The following MAPK6 variants were observed in gnomAD, a reference collection of about 807,000 sequenced individuals.
MAPK6 encodes the protein mitogen-activated protein kinase 6, also known as ERK-3.
MAPK6 carries 19 observed loss-of-function variants against 59.3 expected under a neutral mutation model. That is an observed-to-expected ratio of 0.32 (90% confidence interval 0.22 to 0.47). MAPK6 has a LOEUF of 0.47. Among genes scored for constraint, MAPK6 ranks in the 20% least tolerant of loss-of-function variants. The probability of loss-of-function intolerance (pLI) is 1.00; values close to 1 mark genes in which losing one functional copy is unlikely to be tolerated. For synonymous variants in MAPK6, 316 were observed against 290.3 expected, an observed-to-expected ratio of 1.09 and a Z score of -0.90; for missense variants, 724 against 847.9, an observed-to-expected ratio of 0.85 and a Z score of 1.81.
chr15:52,057,650 T>G (rs2032034318), intron 3 of MAPK6, among the ~76,000 whole-genome samples: 1 of 152,172 alleles, frequency 6.6e-6, no homozygotes, highest in Non-Finnish European at 1.5e-5. Flanking sequence ...GTCCAAGCAA[T>G]TCTTGTGCTT....
intron 1 of MAPK6, among the ~76,000 whole-genome samples, chr15:52,032,004 C>T (rs755201500): frequency 6.6e-6 from 1 of 150,980 alleles, no homozygotes; most frequent in Non-Finnish European, 1.5e-5. Context: ...GGGTTCATGC[C>T]ATTCTTCTGC....
At chr15:51,984,990 ATTAAC>A (rs1490336750) in intron 2 of MAPK6, among the ~76,000 whole-genome samples, 1 of 152,224 alleles carries the variant, frequency 6.6e-6, no homozygotes, top group Non-Finnish European at 1.5e-5. Context: ...GAATAAAAAT[ATTAAC>A]TTAAAAACCA....
intron 3 of MAPK6, among the ~76,000 whole-genome samples, chr15:52,051,337 G>A (rs977860650): frequency 2.4e-4 from 37 of 152,068 alleles, no homozygotes; most frequent in South Asian, 8.3e-4. Context: ...GATTACAGGC[G>A]TGAGCCACCC....
chr15:52,022,560 C>A (rs939353316), intron 1 of MAPK6, among the ~76,000 whole-genome samples: 1 of 152,022 alleles, frequency 6.6e-6, no homozygotes, highest in Non-Finnish European at 1.5e-5. Context: ...CTGCTCCCAG[C>A]CCATAAAATG....
chr15:51,994,554 A>G (rs1325846024), intron 2 of MAPK6, among the ~76,000 whole-genome samples: 1 of 152,122 alleles, frequency 6.6e-6, no homozygotes, highest in Non-Finnish European at 1.5e-5. Context: ...TAAAAAAAAG[A>G]TTTTTTTTAA....
At chr15:52,034,240 C>T (rs1302572566) in intron 1 of MAPK6, among the ~76,000 whole-genome samples, 1 of 152,196 alleles carries the variant, frequency 6.6e-6, no homozygotes, top group Non-Finnish European at 1.5e-5. Flanking sequence ...CCGCCTCAGC[C>T]TCCCAAAGTG....
Position 51,990,370 on chromosome 15 carries a change from G to A in MAPK6, c.-770+7055G>A, listed in dbSNP as rs147987971. On this transcript the variant is annotated intron_variant, in intron 2 of 7. Transcript: ENST00000691380. ...CCTGCTGTAGTTACATAATTGCTAT[G>A]GGCAGTGAGAAATTGGGGCCATCTC... Among the ~76,000 whole-genome samples, 425 of 152,238 alleles carry A rather than the reference G, an allele frequency of 2.8e-3. 1 individual carries two copies. The highest frequency in any genetic ancestry group is 8.9e-3 in the African/African-American group (370 of 41,534).
chr15:52,008,392 G>A (rs1399747843), intron 3 of MAPK6, among the ~76,000 whole-genome samples: 1 of 152,076 alleles, frequency 6.6e-6, no homozygotes, highest in Non-Finnish European at 1.5e-5. Flanking sequence ...AGAACTATCA[G>A]GACCCCCACT....
chr15:51,978,677 CAA>C (rs1471980262), intron 1 of MAPK6, among the ~76,000 whole-genome samples: 1 of 150,600 alleles, frequency 6.6e-6, no homozygotes, highest in Admixed American at 6.6e-5. Flanking sequence ...AAAAACAAAA[CAA>C]GAAAAAAACT....
At chr15:52,010,023 A>C (rs766037570) in intron 3 of MAPK6, among the ~76,000 whole-genome samples, 9 of 152,104 alleles carry the variant, frequency 5.9e-5, no homozygotes, top group Non-Finnish European at 1.2e-4. Flanking sequence ...CACCTGCCTC[A>C]GCCTCCCAAA....
At chr15:52,025,040 G>A (rs2030711476) in intron 1 of MAPK6, among the ~76,000 whole-genome samples, 1 of 151,960 alleles carries the variant, frequency 6.6e-6, no homozygotes, top group African/African-American at 2.4e-5. Flanking sequence ...GCTAAACGAT[G>A]CATACACCTG....
At chr15:52,051,937 G>A (rs1596002718) in intron 3 of MAPK6, among the ~76,000 whole-genome samples, 1 of 152,140 alleles carries the variant, frequency 6.6e-6, no homozygotes, top group South Asian at 2.1e-4. Context: ...AGGGATTCCT[G>A]GAAACTAAAT....
intron 5 of MAPK6, 36 bp downstream of exon 5, chr15:52,061,536 T>G (rs761905909): frequency 6.6e-7 from 1 of 1,508,326 alleles, no homozygotes; most frequent in South Asian, 1.1e-5. Context: ...TAATATTTAC[T>G]GAACTTTCAG....
chr15:51,991,146 T>TACACACAC lies in MAPK6; in HGVS notation c.-770+7832_-770+7833insCACACACA, dbSNP rs141153685. Among the ~76,000 whole-genome samples the TACACACAC allele has an allele frequency of 2.4e-3, 291 of 120,412 alleles. 5 individuals are homozygous for TACACACAC. The South Asian group carries it at 0.035, about 14-fold the overall frequency. The allele number at this position is 120,412 out of a possible 152,430, so 79.0% of individuals were successfully genotyped here. A position where few individuals can be genotyped will look rare whatever the true frequency, so the allele number is the denominator to read the frequency against. On this transcript the variant is annotated intron_variant, in intron 2 of 7. Transcript: ENST00000691380. ...TCCATCTCAAAAAGAAATATATATA[T>TACACACAC]ATACACACACACACACACACACACA...
At position 52,058,647 on chromosome 15, in the gene MAPK6, G is replaced by C. The variant is rs2032077949; in HGVS notation, c.715G>C (p.Glu239Gln). Residue 239 changes from glutamate to glutamine, a missense_variant, in exon 4 of 6, where the codon GAA (glutamate) becomes CAA (glutamine). By Grantham distance (29) the Glu-to-Gln change is conservative (BLOSUM62 2). Transcript: ENST00000261845. ...TTTAACCTCAGGTGCACATGAACTT[G>C]AACAGATGCAGCTGATTTTAGAATC... ...KTLFAGAHELEQMQLILESIP... is the reference protein window; with the variant it reads ...KTLFAGAHELQQMQLILESIP... The C allele has an allele frequency of 1.2e-6, 2 of 1,608,328 alleles. No individual in the cohort carries two copies. The highest frequency in any genetic ancestry group is 2.2e-5 in the South Asian group (2 of 90,052).
At chr15:52,025,512 A>C (rs551910020) in intron 1 of MAPK6, among the ~76,000 whole-genome samples, 5 of 152,278 alleles carry the variant, frequency 3.3e-5, no homozygotes, top group Admixed American at 3.3e-4. Context: ...AATTCCTTTA[A>C]ATAGTTGGGG....
chr15:52,008,688 G>T (rs1309297765), intron 3 of MAPK6, among the ~76,000 whole-genome samples: 1 of 152,192 alleles, frequency 6.6e-6, no homozygotes, highest in Non-Finnish European at 1.5e-5. Flanking sequence ...AACCAAGCAT[G>T]GGGTCCTTTT....
chr15:52,019,678 C>T (rs952050473), intron 1 of MAPK6, among the ~76,000 whole-genome samples: 13 of 148,216 alleles, frequency 8.8e-5, no homozygotes, highest in Admixed American at 6.0e-4. Flanking sequence ...CCCTCCCACC[C>T]GGCACGCCCC....
At chr15:52,059,235 C>T (rs2032101555) in intron 4 of MAPK6, among the ~76,000 whole-genome samples, 1 of 152,342 alleles carries the variant, frequency 6.6e-6, no homozygotes, top group Non-Finnish European at 1.5e-5. Flanking sequence ...GCTCGTAACC[C>T]TGTAGCCACT....
Sources: allele counts gnomAD v4.1 joint callset (sites outside exome capture counted in the v4.1 genomes callset), GRCh38; gene constraint gnomAD v4.1.1; transcripts MANE v1.5; gene names NCBI Gene and HGNC (gene_info 2026-07-23, HGNC 2026-07-21).